Variants in USP40 observed in about 807,000 individuals in gnomAD.
USP40 encodes ubiquitin specific peptidase 40.
A neutral mutation model predicts 166.2 loss-of-function variants in USP40; 143 were observed. The observed-to-expected ratio is 0.86, with a 90% CI of 0.75 to 0.99. The LOEUF (loss-of-function observed/expected upper bound fraction) is 0.99, where lower values mean the gene tolerates loss of function less well. Among genes scored for constraint, USP40 ranks in the 50% least tolerant of loss-of-function variants. USP40 has a pLI of 0.00. For missense variants in USP40, 1,444 were observed against 1,479.7 expected, an observed-to-expected ratio of 0.98 and a Z score of 0.40; for synonymous variants, 498 against 524.0, an observed-to-expected ratio of 0.95 and a Z score of 0.68.
At chr2:233,565,001 C>T (rs2072005813) in intron 2 of USP40, among the ~76,000 whole-genome samples, 1 of 152,140 alleles carries the variant, frequency 6.6e-6, no homozygotes, top group Non-Finnish European at 1.5e-5. Flanking sequence ...ATAACTCTGG[C>T]TTAAGTGTTT....
At chr2:233,537,352 T>C (rs2069013995) in intron 10 of USP40, among the ~76,000 whole-genome samples, 1 of 152,166 alleles carries the variant, frequency 6.6e-6, no homozygotes, top group Non-Finnish European at 1.5e-5. Context: ...AAGGATATAG[T>C]TAGACTCCCA....
intron 8 of USP40, among the ~76,000 whole-genome samples, chr2:233,543,158 T>C (rs2069582064): frequency 6.6e-6 from 1 of 152,180 alleles, no homozygotes; most frequent in African/African-American, 2.4e-5. Context: ...GCCTTTTATT[T>C]CCATACATGC....
rs1171395594 is a variant in USP40, at chr2:233,527,529, C to T, written c.1603G>A (p.Gly535Ser). The change falls in exon 13 of 32, where the codon GGC (glycine) becomes AGC (serine). Residue 535 changes from glycine (G) to serine (S), a missense_variant. Coordinates refer to ENST00000678225, the MANE Select transcript of USP40 (RefSeq NM_001365479.2). The part of the protein sequence containing the change: ...NNTFELHLHL[G>S]PQYHFFNGAL... ...CCATTGAAGAAATGATACTGAGGGC[C>T]CAGGTGAAGATGCAATTCAAAAGTA... 1 of 1,612,758 alleles carries T rather than the reference C, an allele frequency of 6.2e-7. No individual in the cohort carries two copies. The highest frequency in any genetic ancestry group is 1.3e-5 in the African/African-American group (1 of 74,924).
intron 21 of USP40, among the ~76,000 whole-genome samples, chr2:233,508,880 T>A (rs1239281020): frequency 6.6e-6 from 1 of 152,220 alleles, no homozygotes; most frequent in Non-Finnish European, 1.5e-5. Flanking sequence ...CTTGTTTCAA[T>A]TAATTTTTAT....
intron 5 of USP40, among the ~76,000 whole-genome samples, chr2:233,555,236 T>C (rs548015417): frequency 1.3e-5 from 2 of 152,302 alleles, no homozygotes; most frequent in East Asian, 1.9e-4. Flanking sequence ...GGTCTTCCTA[T>C]GAAAATCCAA....
intron 11 of USP40, among the ~76,000 whole-genome samples, chr2:233,530,205 G>GAC (rs71058561): frequency 0.028 from 4,210 of 149,308 alleles, 89 homozygotes; most frequent in African/African-American, 0.061. Flanking sequence ...TCACTCCCAA[G>GAC]ACACACACAC....
intron 16 of USP40, among the ~76,000 whole-genome samples, chr2:233,522,302 CT>C (rs2067712905): frequency 6.6e-6 from 1 of 152,170 alleles, no homozygotes; most frequent in African/African-American, 2.4e-5. Flanking sequence ...TCTGTCTTCA[CT>C]TTTGTATTTC....
chr2:233,500,938 G>A (rs1251120661), intron 21 of USP40, among the ~76,000 whole-genome samples: 1 of 152,174 alleles, frequency 6.6e-6, no homozygotes, highest in Non-Finnish European at 1.5e-5. Context: ...GACTTCTAGA[G>A]AAAGGACTAG....
chr2:233,477,226 G>A lies in USP40; in HGVS notation c.*166C>T. The stretch of plus-strand genomic sequence containing the variant: ...TGGCTGCCACGTGTTGCAGAGCTAA[G>A]TGACTACATGCACTGGCCAGGCCTC... On this transcript the variant is annotated 3_prime_UTR_variant, in exon 32 of 32. Coordinates refer to ENST00000678225, the MANE Select transcript of USP40 (RefSeq NM_001365479.2). 2 of 681,730 alleles carry A rather than the reference G, an allele frequency of 2.9e-6. No homozygotes were observed. The highest frequency in any genetic ancestry group is 5.2e-6 in the Non-Finnish European group (2 of 386,362). The allele number at this position is 681,730 out of a possible 1,614,324, so 42.2% of individuals were successfully genotyped here.
chr2:233,560,827 G>T lies in USP40; in HGVS notation c.268-903C>A, dbSNP rs1232500722. On this transcript the variant is annotated intron_variant, in intron 3 of 31. Transcript: ENST00000678225. Reference sequence around the variant, plus strand: ...TTTTTTTGTGTGGGGTGGAGAGGTCGGTATTGTTGCAAAAAAAGTGCTTTA... The same window carrying T: ...TTTTTTTGTGTGGGGTGGAGAGGTCTGTATTGTTGCAAAAAAAGTGCTTTA... 20 of 526,680 alleles carry T rather than the reference G, an allele frequency of 3.8e-5. 3 individuals carry two copies. The South Asian group carries it at 5.5e-4, about 14-fold the overall frequency. The allele number at this position is 526,680 out of a possible 1,614,324, so 32.6% of individuals were successfully genotyped here.
Position 233,562,742 on chromosome 2 carries a change from A to G in USP40, c.261T>C (p.Asp87=). 1 of 1,520,370 alleles carries G rather than the reference A, an allele frequency of 6.6e-7. No individual in the cohort carries two copies. The highest frequency in any genetic ancestry group is 1.3e-5 in the South Asian group (1 of 77,402). 94.2% of individuals were successfully genotyped at this position (1,520,370 alleles called of 1,614,324 possible). The change falls in exon 3 of 32, where the codon GAT becomes GAC. Residue 87 remains aspartate (D), a synonymous_variant. Coordinates refer to ENST00000678225, the MANE Select transcript of USP40 (RefSeq NM_001365479.2). The part of the protein sequence containing the change: ...LGLFEDKDKP[D]AKVRIIPLQL... ...ATAATAATAATAAAAATACCTTTGC[A>G]TCGGGTTTATCCTTATCTTCAAACA... is the stretch of plus-strand genomic sequence containing the variant.
chr2:233,498,510 T>C (rs1285768399), intron 23 of USP40, 38 bp downstream of exon 23: 2 of 1,575,832 alleles, frequency 1.3e-6, no homozygotes, highest in Non-Finnish European at 1.7e-6. Flanking sequence ...GACATAAATG[T>C]AATCATACGA....
chr2:233,485,905 CAGGTCCAGGGCAGGGGCAT>C lies in USP40; in HGVS notation c.3251_3269del (p.Tyr1084TrpfsTer14). The stretch of plus-strand genomic sequence containing the variant: ...TCCCACCCTGGGCCGCGTTCCACAC[CAGGTCCAGGGCAGGGGCAT>C]AGGTCCTCTCACCAGGGATGCGCAC... On this transcript the variant is annotated frameshift_variant, in exon 29 of 32. Coordinates refer to ENST00000678225, the MANE Select transcript of USP40 (RefSeq NM_001365479.2). LOFTEE classifies it high-confidence loss of function. 6.2e-7 allele frequency: 1 copy of C among 1,602,690 alleles called. No homozygotes were observed. The highest frequency in any genetic ancestry group is 8.5e-7 in the Non-Finnish European group (1 of 1,175,220).
chr2:233,536,876 GT>G lies in USP40; in HGVS notation c.1171-3098del, dbSNP rs368576182. 1.6e-3 allele frequency among the ~76,000 whole-genome samples: 236 copies of G among 151,938 alleles called. 1 individual carries two copies. Among genetic ancestry groups the G allele is most frequent in the African/African-American group, 5.3e-3 (218 of 41,414 alleles). The stretch of plus-strand genomic sequence containing the variant: ...TTACATAGCATTTATATTGTATTAG[GT>G]TTTTTTGTTTCCTTTTTTTTCTTTT... On this transcript the variant is annotated intron_variant, in intron 10 of 31. Coordinates refer to ENST00000678225, the MANE Select transcript of USP40 (RefSeq NM_001365479.2).
chr2:233,493,393 C>A lies in USP40; in HGVS notation c.2917+32G>T. 1 of 1,613,882 alleles carries A rather than the reference C, an allele frequency of 6.2e-7. No homozygotes were observed. The highest frequency in any genetic ancestry group is 8.5e-7 in the Non-Finnish European group (1 of 1,179,868). On this transcript the variant is annotated intron_variant, in intron 25 of 31. Transcript: ENST00000678225. The surrounding 1 kb of genome is among the most constrained non-coding windows in gnomAD (Gnocchi z 4.7). ...AGTCAATTTACTTCTCTTTATGATG[C>A]ACTGGCTGCTGAAATCCCATTCTGT...
intron 30 of USP40, 79 bp from the exon 31 acceptor site, chr2:233,481,376 C>T (rs771744567): frequency 9.0e-6 from 11 of 1,216,350 alleles, no homozygotes; most frequent in Admixed American, 2.2e-5. Context: ...GTCTAAAAAA[C>T]TACCTATATT....
At chr2:233,516,094 T>C (rs1483892393) in intron 18 of USP40, among the ~76,000 whole-genome samples, 3 of 152,190 alleles carry the variant, frequency 2.0e-5, no homozygotes, top group African/African-American at 7.2e-5. Flanking sequence ...AGCCCTTTAC[T>C]AGTGCGAAAA....
chr2:233,512,649 C>A, intron 18 of USP40, 27 bp from the exon 19 acceptor site: 1 of 1,334,136 alleles, frequency 7.5e-7, no homozygotes, highest in South Asian at 1.5e-5. Flanking sequence ...TATTATTTTT[C>A]TTAGAGAGCT....
In USP40 at chr2:233,475,607, C is replaced by T. The variant is rs1437776778; in HGVS notation, c.*1785G>A. 3 of 152,330 alleles carry T rather than the reference C, an allele frequency of 2.0e-5. No homozygotes were observed. The highest frequency in any genetic ancestry group is 2.9e-5 in the Non-Finnish European group (2 of 68,040). The allele number at this position is 152,330 out of a possible 1,614,324, so 9.4% of individuals were successfully genotyped here. ...ATCCCCAAATTAAAAAAACAGAAAA[C>T]AGGAAGAAAGGGAAGAAGGCAAAGG... On this transcript the variant is annotated 3_prime_UTR_variant, in exon 32 of 32. Coordinates refer to ENST00000678225, the MANE Select transcript of USP40 (RefSeq NM_001365479.2).
Sources: gnomAD v4.1 joint callset for allele counts (sites outside exome capture counted in the v4.1 genomes callset) on GRCh38, gnomAD v4.1.1 for gene constraint, Gnocchi (gnomAD v3.1) non-coding constraint, MANE v1.5 for transcripts, NCBI Gene and HGNC (gene_info 2026-07-23, HGNC 2026-07-21) for gene names.